Variants in ASS1 observed in about 807,000 individuals in gnomAD.
ASS1 encodes the protein argininosuccinate synthase 1.
A neutral mutation model predicts 60.5 loss-of-function variants in ASS1; 58 were observed. The observed-to-expected ratio is 0.96, with a 90% CI of 0.78 to 1.19. The LOEUF (loss-of-function observed/expected upper bound fraction) is 1.19, where lower values mean the gene tolerates loss of function less well. Ranked by LOEUF, ASS1 falls within the 50% of genes most tolerant of loss-of-function variation. The pLI is 0.00. For missense variants in ASS1, 454 were observed against 547.3 expected, an observed-to-expected ratio of 0.83 and a Z score of 1.70; for synonymous variants, 200 against 206.9, an observed-to-expected ratio of 0.97 and a Z score of 0.29.
intron 11 of ASS1, among the ~76,000 whole-genome samples, chr9:130,483,122 T>A (rs1050145964): frequency 1.3e-5 from 2 of 152,136 alleles, no homozygotes; most frequent in African/African-American, 2.4e-5. Context: ...AAATATTTCA[T>A]GTGAGAAGGA....
chr9:130,470,730 G>A lies in ASS1; in HGVS notation c.496-104G>A, dbSNP rs1419047879. 10 of 1,141,790 alleles carry A rather than the reference G, an allele frequency of 8.8e-6. No individual in the cohort carries two copies. Among genetic ancestry groups the A allele is most frequent in the Admixed American group, 3.4e-5 (2 of 59,388 alleles). 70.7% of individuals were successfully genotyped at this position (1,141,790 alleles called of 1,614,324 possible). A position where few individuals can be genotyped will look rare whatever the true frequency, so the allele number is the denominator to read the frequency against. ...GAGGTAGCCAGGGTCTTGTCTGAAT[G>A]GGGGCCAGAGTTTGGGGCTCTCTGA... On this transcript the variant is annotated intron_variant, in intron 6 of 14. Coordinates refer to ENST00000352480, the MANE Select transcript of ASS1 (RefSeq NM_054012.4). This position sits in a 1 kb window ranked among gnomAD's most constrained non-coding sequence, Gnocchi z 4.3.
intron 6 of ASS1, 130 bp downstream of exon 6, chr9:130,466,929 C>A: frequency 9.3e-7 from 1 of 1,069,680 alleles, no homozygotes; most frequent in Non-Finnish European, 1.4e-6. Context: ...GATTGAACTT[C>A]CACCCCAGCT....
intron 5 of ASS1, 125 bp downstream of exon 5, chr9:130,464,292 C>G (rs1463749617): frequency 1.6e-6 from 2 of 1,226,138 alleles, no homozygotes; most frequent in Non-Finnish European, 2.4e-6. Flanking sequence ...GCAGGGGTGC[C>G]CATCGGGTGG....
chr9:130,481,773 C>A (rs528849351), intron 11 of ASS1, among the ~76,000 whole-genome samples: 1 of 152,146 alleles, frequency 6.6e-6, no homozygotes, highest in Non-Finnish European at 1.5e-5. Flanking sequence ...CATGGGAGCG[C>A]GGAAGGGGAG....
At chr9:130,495,053 C>T (rs759951287) in intron 13 of ASS1, 30 bp downstream of exon 13, 2 of 1,586,458 alleles carry the variant, frequency 1.3e-6, no homozygotes, top group Non-Finnish European at 1.7e-6. Flanking sequence ...TTCTGACCCC[C>T]ACTTGGGCAC....
chr9:130,446,731 C>T (rs1315248261), intron 1 of ASS1, among the ~76,000 whole-genome samples: 2 of 152,214 alleles, frequency 1.3e-5, no homozygotes, highest in Admixed American at 6.5e-5. Flanking sequence ...GGGCCCATCT[C>T]ATCTTTGGCC....
chr9:130,489,858 CTG>C lies in ASS1; in HGVS notation c.970+395_970+396del, dbSNP rs1846407070. Among the ~76,000 whole-genome samples, 1 of 152,268 alleles carries C rather than the reference CTG, an allele frequency of 6.6e-6. No homozygotes were observed. The highest frequency in any genetic ancestry group is 6.5e-5 in the Admixed American group (1 of 15,290). On this transcript the variant is annotated intron_variant, in intron 12 of 14. Transcript: ENST00000352480. The surrounding 1 kb of genome is among the most constrained non-coding windows in gnomAD (Gnocchi z 4.1). Reference sequence around the variant, plus strand: ...CTGCAGCTCCTTGTACACGAGGAAACTGAGGCTCAGAAGGAAAGCATAAAACC... The same window carrying C: ...CTGCAGCTCCTTGTACACGAGGAAACAGGCTCAGAAGGAAAGCATAAAACC...
chr9:130,472,493 C>T (rs2131888248), intron 8 of ASS1, among the ~76,000 whole-genome samples: 1 of 152,304 alleles, frequency 6.6e-6, no homozygotes, highest in Non-Finnish European at 1.5e-5. Flanking sequence ...TGGGAGCATC[C>T]TCACTTTATG....
intron 1 of ASS1, among the ~76,000 whole-genome samples, chr9:130,448,486 C>T (rs1362750665): frequency 1.3e-5 from 2 of 151,988 alleles, no homozygotes; most frequent in Non-Finnish European, 2.9e-5. Flanking sequence ...TTGCTTCACA[C>T]TGCCCAGCCC....
intron 4 of ASS1, 97 bp downstream of exon 4, chr9:130,458,686 G>C (rs1159268136): frequency 3.4e-6 from 5 of 1,488,766 alleles, no homozygotes; most frequent in African/African-American, 1.4e-5. Flanking sequence ...GTGTGCCTCC[G>C]GGGCAGACTT....
chr9:130,446,437 G>T (rs1219248975), intron 1 of ASS1, among the ~76,000 whole-genome samples: 1 of 152,138 alleles, frequency 6.6e-6, no homozygotes, highest in African/African-American at 2.4e-5. Context: ...AAGTTTGGGG[G>T]TGGGGGCGGG....
rs1188972538 is a variant in ASS1 at position 130,477,511 on chromosome 9, C to T, written c.688+550C>T. Reference sequence around the variant, plus strand: ...TTCAAAGCTGCGGCCACTCTTGCTCCCCTCGGCAGTGGAGGCTGTCCTGAT... The same window carrying T: ...TTCAAAGCTGCGGCCACTCTTGCTCTCCTCGGCAGTGGAGGCTGTCCTGAT... On this transcript the variant is annotated intron_variant, in intron 9 of 14. Transcript: ENST00000352480. This position sits in a 1 kb window ranked among gnomAD's most constrained non-coding sequence, Gnocchi z 4.2. Among the ~76,000 whole-genome samples the T allele has an allele frequency of 6.6e-6, 1 of 152,214 alleles. No individual in the cohort carries two copies. Among genetic ancestry groups the T allele is most frequent in the Non-Finnish European group, 1.5e-5 (1 of 68,036 alleles).
intron 11 of ASS1, among the ~76,000 whole-genome samples, chr9:130,484,684 A>C (rs1846259695): frequency 6.6e-6 from 1 of 151,180 alleles, no homozygotes; most frequent in South Asian, 2.1e-4. Flanking sequence ...AAAAGCCCCA[A>C]ATTCATAGTC....
chr9:130,484,311 G>A (rs1846248464), intron 11 of ASS1, among the ~76,000 whole-genome samples: 2 of 152,078 alleles, frequency 1.3e-5, no homozygotes, highest in Admixed American at 6.5e-5. Flanking sequence ...TGCTCATTCT[G>A]CCTAACCTGG....
rs1846065149 is a variant in ASS1 at position 130,477,944 on chromosome 9, G to A, written c.688+983G>A. On this transcript the variant is annotated intron_variant, in intron 9 of 14. Coordinates refer to ENST00000352480, the MANE Select transcript of ASS1 (RefSeq NM_054012.4). This position sits in a 1 kb window ranked among gnomAD's most constrained non-coding sequence, Gnocchi z 4.2. Reference sequence around the variant, plus strand: ...AGGAGGATAGGGTGGGGAAGCCTCAGGCCGGTGGGGAGGCAGAGCTGCAGA... The same window carrying A: ...AGGAGGATAGGGTGGGGAAGCCTCAAGCCGGTGGGGAGGCAGAGCTGCAGA... 1.3e-5 allele frequency among the ~76,000 whole-genome samples: 2 copies of A among 152,072 alleles called. No individual in the cohort carries two copies. Among genetic ancestry groups the A allele is most frequent in the African/African-American group, 4.8e-5 (2 of 41,422 alleles).
Position 130,477,069 on chromosome 9 carries a change from C to T in ASS1, c.688+108C>T, listed in dbSNP as rs551261251. Reference sequence around the variant, plus strand: ...CCCTCTTTACCCCCGCCCTGCATTCCTGGAAGCTAGAGTTCAGGCAGGGGC... The same window carrying T: ...CCCTCTTTACCCCCGCCCTGCATTCTTGGAAGCTAGAGTTCAGGCAGGGGC... On this transcript the variant is annotated intron_variant, in intron 9 of 14. Transcript: ENST00000352480. This position sits in a 1 kb window ranked among gnomAD's most constrained non-coding sequence, Gnocchi z 4.2. 8.3e-6 allele frequency: 10 copies of T among 1,204,450 alleles called. No individual in the cohort carries two copies. The highest frequency in any genetic ancestry group is 1.1e-5 in the Non-Finnish European group (9 of 825,776). 74.6% of individuals were successfully genotyped at this position (1,204,450 alleles called of 1,614,324 possible).
At chr9:130,471,975 C>T (rs1845877962) in intron 8 of ASS1, among the ~76,000 whole-genome samples, 1 of 152,156 alleles carries the variant, frequency 6.6e-6, no homozygotes. Context: ...CCGCCACCAC[C>T]GGCCACCCTG....
intron 5 of ASS1, among the ~76,000 whole-genome samples, chr9:130,464,730 A>C (rs1013871335): frequency 5.9e-5 from 9 of 152,086 alleles, no homozygotes; most frequent in Non-Finnish European, 1.3e-4. Flanking sequence ...GCAGGAGGGC[A>C]CCTGTGGGTA....
intron 1 of ASS1, among the ~76,000 whole-genome samples, chr9:130,447,356 AG>A (rs1252730165): frequency 6.6e-6 from 1 of 152,346 alleles, no homozygotes; most frequent in East Asian, 1.9e-4. Flanking sequence ...CCACCTTGAG[AG>A]GATGCACCTG....
Sources: gnomAD v4.1 joint callset for allele counts (sites outside exome capture counted in the v4.1 genomes callset) on GRCh38, gnomAD v4.1.1 for gene constraint, Gnocchi (gnomAD v3.1) non-coding constraint, MANE v1.5 for transcripts, NCBI Gene and HGNC (gene_info 2026-07-23, HGNC 2026-07-21) for gene names.